BLK: variants seen among roughly 807,000 people sequenced by gnomAD.
BLK encodes tyrosine-protein kinase Blk.
BLK carries 64 observed loss-of-function variants against 61.8 expected under a neutral mutation model. That is an observed-to-expected ratio of 1.03 (90% confidence interval 0.85 to 1.27). The LOEUF is 1.27. BLK is among the 50% of genes most tolerant of loss of function. The probability of loss-of-function intolerance (pLI) is 0.00; values close to 1 mark genes in which losing one functional copy is unlikely to be tolerated. For synonymous variants in BLK, 351 were observed against 272.0 expected (o/e 1.29, Z -2.86); for missense variants, 853 against 660.5 (o/e 1.29, Z -3.19).
intron 1 of BLK, among the ~76,000 whole-genome samples, chr8:11,508,946 C>A (rs560791453): frequency 9.6e-4 from 146 of 152,146 alleles, no homozygotes; most frequent in Non-Finnish European, 1.7e-3. Flanking sequence ...GCCTTTTGTG[C>A]CTCCTACTCA....
intron 1 of BLK, among the ~76,000 whole-genome samples, chr8:11,536,716 A>G (rs2117407578): frequency 6.6e-6 from 1 of 152,274 alleles, no homozygotes; most frequent in South Asian, 2.1e-4. Flanking sequence ...AATATTCTTG[A>G]CTTTAGTATA....
In BLK at chr8:11,564,483, G is replaced by T; in HGVS notation, c.*375G>T. ...CGCCTCTGCGCCCTGCGTGGACCCC[G>T]CCCTGCCCCGCTACAGAAGCCAGAC... On this transcript the variant is annotated 3_prime_UTR_variant, in exon 13 of 13. Coordinates refer to ENST00000259089, the MANE Select transcript of BLK (RefSeq NM_001715.3). The T allele has an allele frequency of 1.9e-6, 1 of 520,924 alleles. No homozygotes were observed. Among genetic ancestry groups the T allele is most frequent in the Middle Eastern group, 2.9e-4 (1 of 3,486 alleles). The allele number at this position is 520,924 out of a possible 1,614,324, so 32.3% of individuals were successfully genotyped here. A position where few individuals can be genotyped will look rare whatever the true frequency, so the allele number is the denominator to read the frequency against.
chr8:11,519,456 A>G (rs1156631115), intron 1 of BLK, among the ~76,000 whole-genome samples: 2 of 152,236 alleles, frequency 1.3e-5, no homozygotes, highest in Non-Finnish European at 1.5e-5. Flanking sequence ...GAAGCTATAT[A>G]CATACATCCA....
chr8:11,520,383 G>A (rs1197145056), intron 1 of BLK, among the ~76,000 whole-genome samples: 1 of 150,424 alleles, frequency 6.6e-6, no homozygotes, highest in Non-Finnish European at 1.5e-5. Context: ...AGGTTGAGGT[G>A]GGAGGATCAC....
intron 1 of BLK, among the ~76,000 whole-genome samples, chr8:11,521,533 C>T (rs374451417): frequency 1.3e-5 from 2 of 152,368 alleles, no homozygotes; most frequent in South Asian, 2.1e-4. Context: ...TTAAGTGGTA[C>T]GCCCACCTTA....
intron 1 of BLK, chr8:11,509,866 T>G (rs1798929423): frequency 6.6e-6 from 1 of 152,238 alleles, no homozygotes; most frequent in African/African-American, 2.4e-5. Context: ...ATGCGCAGTT[T>G]TCATTGCTGG....
At position 11,529,623 on chromosome 8, in the gene BLK, T is replaced by A. The variant is rs555117131; in HGVS notation, c.-1-13601T>A. ...ATAATTTCTAATCCTGTGGCTAATTTGTTAGTCCTACAAAGGCATCTAGTT... is the reference window on the plus strand; with the variant it reads ...ATAATTTCTAATCCTGTGGCTAATTAGTTAGTCCTACAAAGGCATCTAGTT... On this transcript the variant is annotated intron_variant, in intron 1 of 12. Coordinates refer to ENST00000259089, the MANE Select transcript of BLK (RefSeq NM_001715.3). Among the ~76,000 whole-genome samples, 6 of 152,286 alleles carry A rather than the reference T, an allele frequency of 3.9e-5. No homozygotes were observed. The South Asian group carries it at 1.2e-3, about 32-fold the overall frequency.
intron 1 of BLK, among the ~76,000 whole-genome samples, chr8:11,520,712 A>G (rs540600358): frequency 2.0e-5 from 3 of 152,052 alleles, no homozygotes; most frequent in African/African-American, 7.2e-5. Flanking sequence ...TGCCAGTGTA[A>G]TACAACAAGA....
rs1801563996 is a variant in BLK, at chr8:11,563,047, G to A, written c.1249G>A (p.Asp417Asn). The A allele has an allele frequency of 6.2e-7, 1 of 1,614,196 alleles. No individual in the cohort carries two copies. The highest frequency in any genetic ancestry group is 8.5e-7 in the Non-Finnish European group (1 of 1,180,048). Residue 417 changes from aspartate (D) to asparagine (N), a missense_variant, in exon 12 of 13, where the codon GAC becomes AAC. By Grantham distance (23) the Asp-to-Asn change is conservative. Coordinates refer to ENST00000259089, the MANE Select transcript of BLK (RefSeq NM_001715.3). ...CTTCGGGGTCTTCACCATCAAAGCA[G>A]ACGTGTGGTCGTTTGGAGTCCTCCT... ...IHFGVFTIKADVWSFGVLLME... is the reference protein window; with the variant it reads ...IHFGVFTIKANVWSFGVLLME...
chr8:11,532,455 C>T (rs1449098018), intron 1 of BLK, among the ~76,000 whole-genome samples: 1 of 151,516 alleles, frequency 6.6e-6, no homozygotes. Context: ...AAATGATCCT[C>T]CTGCCTTGGC....
intron 2 of BLK, chr8:11,545,669 T>C: frequency 1.3e-5 from 4 of 312,726 alleles, no homozygotes; most frequent in Non-Finnish European, 1.9e-5. Context: ...CAAATATGTT[T>C]GTCGAGTTTT....
intron 4 of BLK, 80 bp from the exon 5 acceptor site, chr8:11,548,944 C>A: frequency 7.7e-7 from 1 of 1,296,392 alleles, no homozygotes; most frequent in Non-Finnish European, 1.1e-6. Context: ...GGAGAGATGA[C>A]TTTGAGGAGG....
At chr8:11,504,594 G>A (rs1356276256) in intron 1 of BLK, among the ~76,000 whole-genome samples, 6 of 152,138 alleles carry the variant, frequency 3.9e-5, no homozygotes, top group East Asian at 3.8e-4. Flanking sequence ...ATCAGTCTTC[G>A]TAGCTAAATA....
chr8:11,530,759 T>G (rs1799852594), intron 1 of BLK, among the ~76,000 whole-genome samples: 1 of 152,226 alleles, frequency 6.6e-6, no homozygotes, highest in African/African-American at 2.4e-5. Flanking sequence ...GAAAAGATTT[T>G]TCCAGTTACT....
intron 1 of BLK, among the ~76,000 whole-genome samples, chr8:11,495,748 C>T (rs115120296): frequency 6.6e-6 from 1 of 152,242 alleles, no homozygotes; most frequent in African/African-American, 2.4e-5. Context: ...AAAGCAACAC[C>T]GCAAAGGTCA....
intron 1 of BLK, among the ~76,000 whole-genome samples, chr8:11,518,757 T>C (rs2618451): frequency 0.44 from 66,843 of 151,932 alleles, 16,076 homozygotes; most frequent in East Asian, 0.97. Context: ...CTTCCCCAGC[T>C]GGTCTCTGGG....
chr8:11,561,397 AATTGCTG>A lies in BLK; in HGVS notation c.1129_1135del (p.Ala377LeufsTer47), dbSNP rs1440793387. The A allele has an allele frequency of 6.2e-7, 1 of 1,614,112 alleles. No homozygotes were observed. The highest frequency in any genetic ancestry group is 8.5e-7 in the Non-Finnish European group (1 of 1,180,018). On this transcript the variant is annotated frameshift_variant, in exon 11 of 13. Coordinates refer to ENST00000259089, the MANE Select transcript of BLK (RefSeq NM_001715.3). LOFTEE classifies it high-confidence loss of function. Reference sequence around the variant, plus strand: ...TGGTGTCTGAGGCCTTGTGCTGCAAAATTGCTGATTTTGGCTTGGCTCGAATCATCGA... The same window carrying A: ...TGGTGTCTGAGGCCTTGTGCTGCAAAATTTTGGCTTGGCTCGAATCATCGA...
At chr8:11,562,916 T>C in intron 11 of BLK, 63 bp from the exon 12 acceptor site, 3 of 1,608,136 alleles carry the variant, frequency 1.9e-6, no homozygotes, top group Non-Finnish European at 2.5e-6. Flanking sequence ...GGGGTAGGGG[T>C]GAGGATGGAG....
chr8:11,556,051 T>C, intron 8 of BLK: 1 of 238,460 alleles, frequency 4.2e-6, no homozygotes, highest in Non-Finnish European at 8.3e-6. Flanking sequence ...GGCTGGTCCA[T>C]GAGTGCTCCC....
Sources: gnomAD v4.1 joint callset for allele counts (sites outside exome capture counted in the v4.1 genomes callset) on GRCh38, gnomAD v4.1.1 for gene constraint, MANE v1.5 for transcripts, NCBI Gene and HGNC (gene_info 2026-07-23, HGNC 2026-07-21) for gene names.